Variants in CAPSL observed in about 807,000 individuals in gnomAD.
CAPSL encodes the protein calcyphosin-like protein.
CAPSL carries 17 observed loss-of-function variants against 21.3 expected under a neutral mutation model. The ratio of observed to expected loss-of-function variants is 0.80; its 90% CI spans 0.55 to 1.20. CAPSL has a LOEUF of 1.20. Ranked by LOEUF, CAPSL falls within the 50% of genes most tolerant of loss-of-function variation. The probability of loss-of-function intolerance (pLI) is 0.00; values close to 1 mark genes in which losing one functional copy is unlikely to be tolerated. For synonymous variants in CAPSL, 102 were observed against 89.3 expected, an observed-to-expected ratio of 1.14 and a Z score of -0.80; for missense variants, 289 against 259.3, an observed-to-expected ratio of 1.11 and a Z score of -0.79.
chr5:35,935,467 G>A (rs1738921546), intron 1 of CAPSL, among the ~76,000 whole-genome samples: 1 of 151,520 alleles, frequency 6.6e-6, no homozygotes, highest in South Asian at 2.1e-4. Flanking sequence ...CGAGTAGCTA[G>A]GACTACAGGT....
intron 2 of CAPSL, among the ~76,000 whole-genome samples, chr5:35,911,917 C>T (rs1738234327): frequency 1.3e-5 from 2 of 152,118 alleles, no homozygotes; most frequent in African/African-American, 4.8e-5. Flanking sequence ...CAAGGCATCG[C>T]CTCACCCAGG....
chr5:35,935,384 G>A (rs779148559), intron 1 of CAPSL, among the ~76,000 whole-genome samples: 1 of 150,538 alleles, frequency 6.6e-6, no homozygotes, highest in Non-Finnish European at 1.5e-5. Context: ...CCAGGCTGGA[G>A]CGCAGTGGTG....
chr5:35,913,592 G>A (rs992976811), intron 2 of CAPSL, among the ~76,000 whole-genome samples: 6 of 152,084 alleles, frequency 3.9e-5, no homozygotes, highest in Non-Finnish European at 7.4e-5. Flanking sequence ...ACAGAATTTC[G>A]TATCCAGCCA....
intron 1 of CAPSL, among the ~76,000 whole-genome samples, chr5:35,934,896 C>A (rs575855745): frequency 1.6e-4 from 25 of 152,268 alleles, no homozygotes; most frequent in Non-Finnish European, 3.2e-4. Flanking sequence ...GGTACAATAT[C>A]TTTATCCTGG....
chr5:35,920,660 A>C (rs1055575714), intron 2 of CAPSL, among the ~76,000 whole-genome samples: 6 of 152,170 alleles, frequency 3.9e-5, no homozygotes, highest in Non-Finnish European at 7.4e-5. Flanking sequence ...GGCCTTTATT[A>C]TCACAGCTGC....
intron 2 of CAPSL, among the ~76,000 whole-genome samples, chr5:35,919,845 G>A (rs754708544): frequency 1.3e-5 from 2 of 152,200 alleles, no homozygotes; most frequent in Non-Finnish European, 2.9e-5. Context: ...AAGGCTGGTA[G>A]AGACGCAGTG....
chr5:35,913,138 T>A (rs908719299), intron 2 of CAPSL, among the ~76,000 whole-genome samples: 4 of 151,728 alleles, frequency 2.6e-5, no homozygotes, highest in Non-Finnish European at 4.4e-5. Flanking sequence ...TGAAATGAAG[T>A]GAGAAGAGAA....
chr5:35,913,078 C>T (rs1738275665), intron 2 of CAPSL, among the ~76,000 whole-genome samples: 2 of 152,040 alleles, frequency 1.3e-5, no homozygotes, highest in Admixed American at 1.3e-4. Flanking sequence ...CCTCAGTAGC[C>T]AATTCGATCA....
chr5:35,929,063 G>T (rs571517098), intron 1 of CAPSL, among the ~76,000 whole-genome samples: 1 of 152,114 alleles, frequency 6.6e-6, no homozygotes, highest in Non-Finnish European at 1.5e-5. Flanking sequence ...CAAGATAAAG[G>T]CATGAAGAGA....
chr5:35,937,950 C>T lies in CAPSL; in HGVS notation c.-1+591G>A, dbSNP rs949252383. ...CATTGGTGTTGTCCTTTAATGAGAA[C>T]GTAAAGGACCCCCTCAAGTCTCTGA... On this transcript the variant is annotated intron_variant, in intron 1 of 4. Transcript: ENST00000651391. Among the ~76,000 whole-genome samples, 21 of 151,844 alleles carry T rather than the reference C, an allele frequency of 1.4e-4. 1 individual carries two copies. The highest frequency in any genetic ancestry group is 1.1e-3 in the Admixed American group (17 of 15,236).
intron 1 of CAPSL, among the ~76,000 whole-genome samples, chr5:35,931,467 T>C (rs1445956090): frequency 6.6e-6 from 1 of 151,460 alleles, no homozygotes; most frequent in Non-Finnish European, 1.5e-5. Flanking sequence ...TTTAATAAAA[T>C]ACAGAGGCCC....
chr5:35,916,697 C>T (rs1406679668), intron 2 of CAPSL, among the ~76,000 whole-genome samples: 2 of 152,172 alleles, frequency 1.3e-5, no homozygotes, highest in Admixed American at 1.3e-4. Flanking sequence ...TTCCTTACAC[C>T]TTACACAAAA....
At chr5:35,912,182 G>A (rs147909677) in intron 2 of CAPSL, among the ~76,000 whole-genome samples, 2,365 of 152,280 alleles carry the variant, frequency 0.016, 29 homozygotes, top group Non-Finnish European at 0.021. Context: ...CACCATTGCT[G>A]AGGCTTGAGA....
intron 1 of CAPSL, among the ~76,000 whole-genome samples, chr5:35,934,496 C>T (rs1738895998): frequency 6.6e-6 from 1 of 152,222 alleles, no homozygotes; most frequent in Non-Finnish European, 1.5e-5. Context: ...GTTAACCACA[C>T]TTCCTTGCTT....
intron 1 of CAPSL, among the ~76,000 whole-genome samples, chr5:35,935,459 A>T (rs1265551142): frequency 6.6e-6 from 1 of 151,564 alleles, no homozygotes; most frequent in Non-Finnish European, 1.5e-5. Flanking sequence ...AAACCTCCCG[A>T]GTAGCTAGGA....
intron 2 of CAPSL, among the ~76,000 whole-genome samples, chr5:35,920,529 C>T (rs561813926): frequency 1.1e-4 from 16 of 152,318 alleles, no homozygotes; most frequent in African/African-American, 3.8e-4. Context: ...AGTGAGCTAT[C>T]AGTTATCTGA....
At chr5:35,917,555 T>C (rs1425892027) in intron 2 of CAPSL, among the ~76,000 whole-genome samples, 1 of 152,202 alleles carries the variant, frequency 6.6e-6, no homozygotes, top group African/African-American at 2.4e-5. Flanking sequence ...GATGAGTTCA[T>C]GTCCTTTGTA....
chr5:35,922,794 C>T (rs1320106141), intron 1 of CAPSL, among the ~76,000 whole-genome samples: 1 of 152,174 alleles, frequency 6.6e-6, no homozygotes, highest in Non-Finnish European at 1.5e-5. Context: ...CTCAAGCTGA[C>T]AATTCCCAGA....
intron 2 of CAPSL, among the ~76,000 whole-genome samples, chr5:35,917,563 G>A (rs1738424734): frequency 6.6e-6 from 1 of 152,170 alleles, no homozygotes; most frequent in South Asian, 2.1e-4. Flanking sequence ...CATGTCCTTT[G>A]TAGGGACATG....
Sources: gnomAD v4.1 joint callset for allele counts (sites outside exome capture counted in the v4.1 genomes callset) on GRCh38, gnomAD v4.1.1 for gene constraint, MANE v1.5 for transcripts, NCBI Gene and HGNC (gene_info 2026-07-23, HGNC 2026-07-21) for gene names.